The following PUDP variants were observed in gnomAD, a reference collection of about 807,000 sequenced individuals.
PUDP encodes the protein pseudouridine-5'-phosphatase.
PUDP carries 8 observed loss-of-function variants against 9.4 expected under a neutral mutation model. The ratio of observed to expected loss-of-function variants is 0.85; its 90% CI spans 0.50 to 1.53. The LOEUF (loss-of-function observed/expected upper bound fraction) is 1.53. Among genes scored for constraint, PUDP ranks in the 40% most tolerant of loss-of-function variants. PUDP has a pLI of 0.00. For synonymous variants in PUDP, 99 were observed against 80.7 expected (o/e 1.23, Z -1.22); for missense variants, 188 against 189.7 (o/e 0.99, Z 0.05).
chrX:7,102,722 A>T (rs1316050795), intron 2 of PUDP, among the ~76,000 whole-genome samples: 1 of 111,668 alleles, frequency 9.0e-6, no homozygotes, highest in Non-Finnish European at 1.9e-5. Flanking sequence ...CAATTGTTAG[A>T]ACCAATAAGC....
intron 2 of PUDP, among the ~76,000 whole-genome samples, chrX:7,082,810 C>T (rs1309172450): frequency 8.9e-6 from 1 of 112,830 alleles, no homozygotes; most frequent in African/African-American, 3.2e-5. Context: ...TTAGGGGCTA[C>T]TTTTGCAACT....
At chrX:7,142,641 ATTTTTTTTTTTTT>A (rs57612819) in intron 1 of PUDP, among the ~76,000 whole-genome samples, 2 of 80,956 alleles carry the variant, frequency 2.5e-5, no homozygotes, top group Non-Finnish European at 4.6e-5. Flanking sequence ...GAGGACTCCA[ATTTTTTTTTTTTT>A]TTTTTTTTGA....
chrX:7,005,128 C>T (rs774467238), intron 1 of PUDP, among the ~76,000 whole-genome samples: 14 of 111,074 alleles, frequency 1.3e-4, no homozygotes, highest in Middle Eastern at 4.6e-3. Flanking sequence ...CCTGGAGCAG[C>T]GCTAAGTATA....
intron 1 of PUDP, among the ~76,000 whole-genome samples, chrX:7,038,618 C>T (rs1929883039): frequency 9.0e-6 from 1 of 111,140 alleles, no homozygotes. Flanking sequence ...TAGTATAGTG[C>T]AATGGGTAGG....
chrX:6,917,750 T>C (rs1287379139), intron 3 of PUDP, among the ~76,000 whole-genome samples: 1 of 112,161 alleles, frequency 8.9e-6, no homozygotes, highest in Non-Finnish European at 1.9e-5. Context: ...AACTCTTGAA[T>C]AGGGTTACTT....
downstream of PUDP, among the ~76,000 whole-genome samples, chrX:7,048,043 T>A (rs894467845): frequency 1.8e-5 from 2 of 112,176 alleles, no homozygotes; most frequent in African/African-American, 6.5e-5. Context: ...TCCAGATTAT[T>A]TTTTTATATA....
At chrX:6,919,823 CACTCCAGCCTGGGTGACAGAGCAAG>C (rs1332245233) in intron 3 of PUDP, among the ~76,000 whole-genome samples, 1 of 82,322 alleles carries the variant, frequency 1.2e-5, no homozygotes, top group Non-Finnish European at 2.2e-5. Flanking sequence ...TGAGCCATTG[CACTCCAGCCTGGGTGACAGAGCAAG>C]ACTCCATCTC....
chrX:6,863,298 A>G (rs766659621), intron 3 of PUDP, among the ~76,000 whole-genome samples: 1 of 112,719 alleles, frequency 8.9e-6, no homozygotes, highest in East Asian at 2.8e-4. Context: ...TCTGGTGTGT[A>G]TTTTGCACAT....
At chrX:7,024,109 G>A (rs1349936508) in intron 1 of PUDP, among the ~76,000 whole-genome samples, 1 of 111,394 alleles carries the variant, frequency 9.0e-6, no homozygotes, top group Admixed American at 9.6e-5. Flanking sequence ...TATTCAATTG[G>A]ATTTTTGATT....
chrX:7,130,370 TAC>T (rs35470120), intron 1 of PUDP, among the ~76,000 whole-genome samples: 4,256 of 104,048 alleles, frequency 0.041, 216 homozygotes, highest in African/African-American at 0.14. Flanking sequence ...ATGCACATAC[TAC>T]ACACACACAC....
Position 6,933,155 on chromosome X carries a change from G to A in PUDP, c.*247+43978C>T, listed in dbSNP as rs762250437. 2.2e-3 allele frequency among the ~76,000 whole-genome samples: 232 copies of A among 105,697 alleles called. 1 individual carries two copies. Among genetic ancestry groups the A allele is most frequent in the African/African-American group, 7.6e-3 (226 of 29,700 alleles). The allele number at this position is 105,697 out of a possible 115,157, so 91.8% of individuals were successfully genotyped here. On this transcript the variant is annotated intron_variant and NMD_transcript_variant, in intron 3 of 3. Coordinates refer to the PUDP transcript ENST00000655425. Reference sequence around the variant, plus strand: ...CACGCAGCTGGAGATCTGAGAACACGCAGACTGCCTCCTCAAGTGGGTCCC... The same window carrying A: ...CACGCAGCTGGAGATCTGAGAACACACAGACTGCCTCCTCAAGTGGGTCCC...
chrX:6,945,205 G>C (rs965734020), intron 3 of PUDP, among the ~76,000 whole-genome samples: 2 of 110,966 alleles, frequency 1.8e-5, no homozygotes, highest in African/African-American at 6.6e-5. Flanking sequence ...GGGGTACCGG[G>C]TGAGTGGACC....
intron 3 of PUDP, among the ~76,000 whole-genome samples, chrX:6,931,510 G>A (rs763670113): frequency 5.8e-4 from 65 of 111,710 alleles, no homozygotes; most frequent in African/African-American, 2.0e-3. Flanking sequence ...CGTCTAACAC[G>A]AAGGAAATAA....
intron 1 of PUDP, among the ~76,000 whole-genome samples, chrX:7,113,913 C>A (rs1408948686): frequency 1.8e-5 from 2 of 111,201 alleles, no homozygotes; most frequent in Admixed American, 1.9e-4. Flanking sequence ...TCATTTCTTA[C>A]AGTTATGGGG....
intron 3 of PUDP, among the ~76,000 whole-genome samples, chrX:6,888,646 T>C (rs1319167306): frequency 9.1e-6 from 1 of 110,454 alleles, no homozygotes; most frequent in Non-Finnish European, 1.9e-5. Flanking sequence ...TGAGACTCCA[T>C]CTCAAAACAA....
chrX:6,809,245 C>G (rs1273043214), intron 3 of PUDP, among the ~76,000 whole-genome samples: 1 of 111,095 alleles, frequency 9.0e-6, no homozygotes, highest in East Asian at 2.8e-4. Context: ...CATCACCTCA[C>G]ATTTATTTAA....
At chrX:7,012,690 G>A (rs972264979) in intron 1 of PUDP, among the ~76,000 whole-genome samples, 5 of 110,882 alleles carry the variant, frequency 4.5e-5, no homozygotes, top group East Asian at 2.8e-4. Flanking sequence ...TGGTGCACAC[G>A]TTACAGGTTG....
chrX:6,875,736 A>T (rs1927243493), intron 3 of PUDP, among the ~76,000 whole-genome samples: 2 of 111,681 alleles, frequency 1.8e-5, no homozygotes, highest in African/African-American at 6.5e-5. Flanking sequence ...GCTAAATCCC[A>T]TCTGGAACCC....
intron 3 of PUDP, among the ~76,000 whole-genome samples, chrX:6,865,319 T>C (rs778400128): frequency 7.1e-5 from 8 of 112,173 alleles, no homozygotes; most frequent in Non-Finnish European, 1.1e-4. Context: ...ACTATCTACA[T>C]AAAATCATCT....
Sources: gnomAD v4.1 joint callset for allele counts (sites outside exome capture counted in the v4.1 genomes callset) on GRCh38, gnomAD v4.1.1 for gene constraint, MANE v1.5 for transcripts, NCBI Gene and HGNC (gene_info 2026-07-23, HGNC 2026-07-21) for gene names.